Variants in GRIK2 observed in about 807,000 individuals in gnomAD.
The protein encoded by GRIK2 is glutamate ionotropic receptor kainate type subunit 2.
A neutral mutation model predicts 100.3 loss-of-function variants in GRIK2; 32 were observed. The observed-to-expected ratio is 0.32, with a 90% CI of 0.24 to 0.43. The LOEUF is 0.43. GRIK2 is among the 20% of genes least tolerant of loss of function. The pLI is 1.00. For missense variants in GRIK2, 843 were observed against 1,114.9 expected (o/e 0.76, Z 3.47); for synonymous variants, 417 against 389.4 (o/e 1.07, Z -0.83).
chr6:101,794,715 C>A (rs1780168442), intron 7 of GRIK2, among the ~76,000 whole-genome samples: 1 of 151,654 alleles, frequency 6.6e-6, no homozygotes, highest in Non-Finnish European at 1.5e-5. Flanking sequence ...TTTTTTCAGG[C>A]ATTTCATAGA....
intron 11 of GRIK2, among the ~76,000 whole-genome samples, chr6:101,876,649 A>G (rs1236602179): frequency 6.6e-6 from 1 of 151,704 alleles, no homozygotes; most frequent in Admixed American, 6.6e-5. Context: ...AATGTGCACT[A>G]CTCATTATCC....
intron 16 of GRIK2, chr6:102,063,871 A>T: frequency 1.6e-6 from 1 of 632,386 alleles, no homozygotes. Context: ...TAAATTGACT[A>T]ATTAAATATA....
chr6:101,492,571 G>A (rs141029190), intron 2 of GRIK2, among the ~76,000 whole-genome samples: 359 of 151,910 alleles, frequency 2.4e-3, no homozygotes, highest in Middle Eastern at 6.8e-3. Flanking sequence ...TTTTGATATG[G>A]CTTCTTTTGA....
chr6:101,823,148 C>T (rs1194324221), intron 10 of GRIK2, among the ~76,000 whole-genome samples: 1 of 152,058 alleles, frequency 6.6e-6, no homozygotes, highest in African/African-American at 2.4e-5. Flanking sequence ...TTTTCTTTTA[C>T]TCTCTTTAAA....
chr6:101,906,466 T>C (rs17062661), intron 12 of GRIK2, among the ~76,000 whole-genome samples: 49,229 of 151,046 alleles, frequency 0.33, 9,755 homozygotes, highest in East Asian at 0.61. Flanking sequence ...TTGAGTATGC[T>C]CTCACTAAGA....
chr6:101,731,800 A>T (rs932608683), intron 7 of GRIK2, among the ~76,000 whole-genome samples: 1 of 152,028 alleles, frequency 6.6e-6, no homozygotes. Flanking sequence ...CTAACAGACA[A>T]GACAGAATTC....
At chr6:101,907,986 G>A (rs970843641) in intron 12 of GRIK2, among the ~76,000 whole-genome samples, 13 of 151,092 alleles carry the variant, frequency 8.6e-5, no homozygotes, top group African/African-American at 3.2e-4. Context: ...TTCATTTTCT[G>A]TAAGAATGAA....
At chr6:101,776,401 A>C (rs558335945) in intron 7 of GRIK2, among the ~76,000 whole-genome samples, 1 of 152,194 alleles carries the variant, frequency 6.6e-6, no homozygotes, top group East Asian at 1.9e-4. Flanking sequence ...AGAGTAAATA[A>C]TTATGCAGAG....
intron 2 of GRIK2, among the ~76,000 whole-genome samples, chr6:101,516,600 T>A (rs1774597632): frequency 1.3e-5 from 2 of 152,112 alleles, no homozygotes; most frequent in Non-Finnish European, 2.9e-5. Context: ...AAATATGGAT[T>A]AAGGACTTAA....
chr6:101,932,804 A>T (rs1405119260), intron 14 of GRIK2, among the ~76,000 whole-genome samples: 1 of 151,908 alleles, frequency 6.6e-6, no homozygotes, highest in African/African-American at 2.4e-5. Context: ...ACAGCCAAAA[A>T]CTTAGTGACA....
At chr6:101,894,101 TATTA>T (rs1260912510) in intron 12 of GRIK2, among the ~76,000 whole-genome samples, 7 of 151,536 alleles carry the variant, frequency 4.6e-5, no homozygotes, top group East Asian at 1.9e-4. Context: ...ATATTAATAA[TATTA>T]ATTTTATTAC....
intron 7 of GRIK2, among the ~76,000 whole-genome samples, chr6:101,770,657 G>A (rs917833156): frequency 1.3e-5 from 2 of 152,072 alleles, no homozygotes; most frequent in African/African-American, 2.4e-5. Context: ...GTATTAGTTG[G>A]CATTTGTTTT....
Position 101,498,736 on chromosome 6 carries a change from T to G in GRIK2, c.115+99344T>G, listed in dbSNP as rs1359110406. Among the ~76,000 whole-genome samples the G allele has an allele frequency of 9.9e-5, 15 of 152,130 alleles. No individual in the cohort carries two copies. The East Asian group carries it at 1.5e-3, about 16-fold the overall frequency. ...GGTTGTTTGTTTTTTTCTTGTAAAT[T>G]TGTTTGAGTTCATTGTAGATTCTGG... On this transcript the variant is annotated intron_variant, in intron 2 of 16. Coordinates refer to ENST00000369134, the MANE Select transcript of GRIK2 (RefSeq NM_021956.5).
chr6:101,675,223 A>C (rs1770734872), intron 4 of GRIK2, among the ~76,000 whole-genome samples: 1 of 151,936 alleles, frequency 6.6e-6, no homozygotes, highest in Non-Finnish European at 1.5e-5. Flanking sequence ...CCTGTTTTCA[A>C]AAAGGTTAAG....
intron 12 of GRIK2, among the ~76,000 whole-genome samples, chr6:101,914,946 C>T (rs187855628): frequency 5.5e-4 from 84 of 151,572 alleles, no homozygotes; most frequent in African/African-American, 2.0e-3. Flanking sequence ...AAAACATCAC[C>T]ATATCATTTT....
At chr6:101,468,687 T>A (rs192934522) in intron 2 of GRIK2, among the ~76,000 whole-genome samples, 27 of 152,290 alleles carry the variant, frequency 1.8e-4, no homozygotes, top group African/African-American at 6.3e-4. Flanking sequence ...CCTGTACAAC[T>A]GGCCTTACTG....
chr6:101,793,920 G>A (rs940778979), intron 7 of GRIK2, among the ~76,000 whole-genome samples: 5 of 152,110 alleles, frequency 3.3e-5, no homozygotes, highest in Non-Finnish European at 5.9e-5. Context: ...AATGGTGGGC[G>A]CCCCTCTCCC....
At chr6:101,410,247 A>G (rs1001701504) in intron 2 of GRIK2, among the ~76,000 whole-genome samples, 2 of 152,124 alleles carry the variant, frequency 1.3e-5, no homozygotes, top group South Asian at 4.1e-4. Flanking sequence ...ATCATTCTTT[A>G]TGCATCTGCC....
At chr6:101,865,521 A>G (rs1784996017) in intron 11 of GRIK2, among the ~76,000 whole-genome samples, 1 of 152,226 alleles carries the variant, frequency 6.6e-6, no homozygotes, top group Admixed American at 6.5e-5. Context: ...TTGCACAGCC[A>G]TAGCTTTAAA....
Sources: gnomAD v4.1 joint callset for allele counts (sites outside exome capture counted in the v4.1 genomes callset) on GRCh38, gnomAD v4.1.1 for gene constraint, MANE v1.5 for transcripts, NCBI Gene and HGNC (gene_info 2026-07-23, HGNC 2026-07-21) for gene names.